Variants in RNF11 observed in about 807,000 individuals in gnomAD.
The protein encoded by RNF11 is ring finger protein 11.
RNF11 carries 4 observed loss-of-function variants against 15.8 expected under a neutral mutation model. The ratio of observed to expected loss-of-function variants is 0.25; its 90% CI spans 0.12 to 0.58. The LOEUF (loss-of-function observed/expected upper bound fraction) is 0.58, where lower values mean the gene tolerates loss of function less well. Ranked by LOEUF, RNF11 falls within the 20% of genes least tolerant of loss-of-function variation. RNF11 has a pLI of 0.91. For synonymous variants in RNF11, 68 were observed against 72.3 expected (o/e 0.94, Z 0.30); for missense variants, 139 against 194.4 (o/e 0.71, Z 1.70).
At chr1:51,248,356 G>A (rs998121985) in intron 1 of RNF11, among the ~76,000 whole-genome samples, 2 of 151,756 alleles carry the variant, frequency 1.3e-5, no homozygotes, top group African/African-American at 2.4e-5. Context: ...TATAGGCGGC[G>A]CCACCATGCC....
In RNF11 at chr1:51,258,927, C is replaced by T. The variant is rs147634973; in HGVS notation, c.124-11029C>T. Among the ~76,000 whole-genome samples the T allele has an allele frequency of 3.8e-4, 58 of 152,266 alleles. 2 individuals carry two copies. The East Asian group carries it at 0.011, about 28-fold the overall frequency. On this transcript the variant is annotated intron_variant, in intron 1 of 2. Coordinates refer to ENST00000242719, the MANE Select transcript of RNF11 (RefSeq NM_014372.5). ...GTCCACTGGGCCTTTGTATATTTAG[C>T]GTTTGCACCACTCCCCACCCCATTT...
At chr1:51,263,211 T>C (rs192327219) in intron 1 of RNF11, among the ~76,000 whole-genome samples, 47 of 152,338 alleles carry the variant, frequency 3.1e-4, no homozygotes, top group Middle Eastern at 3.4e-3. Flanking sequence ...CAAAAACTTA[T>C]ACATGTATTT....
At chr1:51,252,542 G>GAGGC (rs1184023848) in intron 1 of RNF11, among the ~76,000 whole-genome samples, 1 of 152,060 alleles carries the variant, frequency 6.6e-6, no homozygotes, top group Non-Finnish European at 1.5e-5. Flanking sequence ...TTGAGCCTGG[G>GAGGC]AGGCGGAGGT....
intron 1 of RNF11, among the ~76,000 whole-genome samples, chr1:51,253,267 G>A (rs1363963493): frequency 6.6e-6 from 1 of 152,170 alleles, no homozygotes; most frequent in Non-Finnish European, 1.5e-5. Flanking sequence ...GTTCAAGCCT[G>A]TGATTTCAGT....
At chr1:51,239,721 T>A (rs1316141677) in intron 1 of RNF11, among the ~76,000 whole-genome samples, 1 of 152,222 alleles carries the variant, frequency 6.6e-6, no homozygotes, top group Admixed American at 6.5e-5. Flanking sequence ...AGCAGATTTA[T>A]AGTATTCTCA....
chr1:51,260,951 TTAA>T (rs1646928064), intron 1 of RNF11, among the ~76,000 whole-genome samples: 1 of 152,196 alleles, frequency 6.6e-6, no homozygotes. Flanking sequence ...ACAAATTTGC[TTAA>T]TAAAGTCAGT....
intron 1 of RNF11, among the ~76,000 whole-genome samples, chr1:51,267,883 A>G (rs1646961934): frequency 1.3e-5 from 2 of 152,166 alleles, no homozygotes; most frequent in African/African-American, 4.8e-5. Flanking sequence ...GGCGTGCACC[A>G]CCACGCCCAG....
At chr1:51,252,124 G>C (rs72896486) in intron 1 of RNF11, among the ~76,000 whole-genome samples, 2,297 of 145,082 alleles carry the variant, frequency 0.016, 63 homozygotes, top group African/African-American at 0.057. Flanking sequence ...AGAAAATACA[G>C]TATAACACTG....
chr1:51,247,377 A>G (rs760964703), intron 1 of RNF11, among the ~76,000 whole-genome samples: 1 of 152,030 alleles, frequency 6.6e-6, no homozygotes, highest in Non-Finnish European at 1.5e-5. Flanking sequence ...CACCACATCC[A>G]GTCAAAGTGT....
intron 1 of RNF11, among the ~76,000 whole-genome samples, chr1:51,269,528 G>A (rs1210798444): frequency 6.6e-6 from 1 of 152,192 alleles, no homozygotes; most frequent in African/African-American, 2.4e-5. Flanking sequence ...TTTCAGTATT[G>A]TCAATTAGTG....
At chr1:51,239,066 C>T (rs1360483576) in intron 1 of RNF11, among the ~76,000 whole-genome samples, 1 of 151,878 alleles carries the variant, frequency 6.6e-6, no homozygotes, top group Non-Finnish European at 1.5e-5. Flanking sequence ...TGCTCCCTAC[C>T]CTCACCCCCT....
chr1:51,255,065 A>T (rs1465747107), intron 1 of RNF11, among the ~76,000 whole-genome samples: 1 of 152,210 alleles, frequency 6.6e-6, no homozygotes, highest in African/African-American at 2.4e-5. Flanking sequence ...CATACTGTTT[A>T]ATGCATAACA....
chr1:51,272,052 A>G lies in RNF11; in HGVS notation c.*730A>G, dbSNP rs1343960022. 1 of 152,482 alleles carries G rather than the reference A, an allele frequency of 6.6e-6. No individual in the cohort carries two copies. Among genetic ancestry groups the G allele is most frequent in the Admixed American group, 6.6e-5 (1 of 15,264 alleles). The allele number at this position is 152,482 out of a possible 1,614,324, so 9.4% of individuals were successfully genotyped here. On this transcript the variant is annotated 3_prime_UTR_variant, in exon 3 of 3. Transcript: ENST00000242719. ...AATAAGTTAATGTGTCAAGAAACCA[A>G]CTCTATTAAGGTGGGGTTTAATATT...
At chr1:51,252,889 C>T (rs1488128297) in intron 1 of RNF11, among the ~76,000 whole-genome samples, 2 of 151,192 alleles carry the variant, frequency 1.3e-5, no homozygotes, top group East Asian at 2.0e-4. Context: ...TGCAGTGGCG[C>T]GATCTTGGCT....
rs185655742 is a variant in RNF11, at chr1:51,242,304, A to G, written c.123+5425A>G. On this transcript the variant is annotated intron_variant, in intron 1 of 2. Transcript: ENST00000242719. ...TTTGGATATTTCAAATTGTGTCTGCATAAAGCTTTCTTCAAGATACCTTTT... is the reference window on the plus strand; with the variant it reads ...TTTGGATATTTCAAATTGTGTCTGCGTAAAGCTTTCTTCAAGATACCTTTT... 3.2e-3 allele frequency among the ~76,000 whole-genome samples: 485 copies of G among 150,990 alleles called. 3 individuals are homozygous for G. The highest frequency in any genetic ancestry group is 0.011 in the African/African-American group (458 of 41,156).
intron 1 of RNF11, among the ~76,000 whole-genome samples, chr1:51,268,013 G>T (rs772260037): frequency 6.6e-6 from 1 of 152,184 alleles, no homozygotes; most frequent in African/African-American, 2.4e-5. Flanking sequence ...TTACACGCAT[G>T]AGCTACCATG....
At chr1:51,241,356 G>A (rs1424907259) in intron 1 of RNF11, among the ~76,000 whole-genome samples, 1 of 152,224 alleles carries the variant, frequency 6.6e-6, no homozygotes, top group Non-Finnish European at 1.5e-5. Context: ...GTGCATTGCA[G>A]CCTCCACTTC....
chr1:51,258,233 C>T (rs1452751332), intron 1 of RNF11, among the ~76,000 whole-genome samples: 1 of 152,148 alleles, frequency 6.6e-6, no homozygotes, highest in East Asian at 1.9e-4. Context: ...CTGGAATTTT[C>T]CATATAGTAT....
chr1:51,256,735 G>A (rs1267850346), intron 1 of RNF11, among the ~76,000 whole-genome samples: 4 of 152,086 alleles, frequency 2.6e-5, no homozygotes, highest in African/African-American at 7.2e-5. Context: ...ACAGTATGGC[G>A]TGATCTCAGC....
Sources: allele counts gnomAD v4.1 joint callset (sites outside exome capture counted in the v4.1 genomes callset), GRCh38; gene constraint gnomAD v4.1.1; transcripts MANE v1.5; gene names NCBI Gene and HGNC (gene_info 2026-07-23, HGNC 2026-07-21).